Variants in ATRNL1 observed in about 807,000 individuals in gnomAD.
ATRNL1 encodes attractin like 1, also known as attractin-like protein 1.
In ATRNL1, 95 loss-of-function variants were observed where a neutral mutation model predicts 182.7. The observed-to-expected ratio is 0.52, with a 90% CI of 0.44 to 0.62. The LOEUF is 0.62. ATRNL1 is among the 20% of genes least tolerant of loss of function. The pLI is 0.00. For synonymous variants in ATRNL1, 576 were observed against 568.3 expected (o/e 1.01, Z -0.19); for missense variants, 1,471 against 1,679.5 (o/e 0.88, Z 2.17).
intron 27 of ATRNL1, among the ~76,000 whole-genome samples, chr10:115,812,792 A>G (rs1950077384): frequency 6.6e-6 from 1 of 151,936 alleles, no homozygotes; most frequent in Non-Finnish European, 1.5e-5. Context: ...CCTTTTTCTC[A>G]ACCACACTTA....
intron 9 of ATRNL1, among the ~76,000 whole-genome samples, chr10:115,228,129 A>G (rs1278618273): frequency 6.6e-6 from 1 of 152,170 alleles, no homozygotes; most frequent in African/African-American, 2.4e-5. Flanking sequence ...TGATAATTTG[A>G]CATACCAAAA....
intron 8 of ATRNL1, among the ~76,000 whole-genome samples, chr10:115,191,946 CT>C (rs1280262037): frequency 1.3e-5 from 2 of 151,954 alleles, no homozygotes; most frequent in East Asian, 3.9e-4. Context: ...AAAATAAGAT[CT>C]TTTTTTCCCT....
At chr10:115,901,743 G>GAAAAAAAAAA (rs562327427) in intron 28 of ATRNL1, among the ~76,000 whole-genome samples, 3 of 58,044 alleles carry the variant, frequency 5.2e-5, no homozygotes, top group Non-Finnish European at 9.5e-5. Context: ...GAACTGAGAA[G>GAAAAAAAAAA]AAAAAAAAAA....
intron 26 of ATRNL1, among the ~76,000 whole-genome samples, chr10:115,611,803 C>T (rs528151585): frequency 1.3e-3 from 200 of 152,038 alleles, no homozygotes; most frequent in African/African-American, 4.5e-3. Flanking sequence ...ATTTTATTGA[C>T]GGGATGTGTT....
At chr10:115,230,395 G>C (rs1196896205) in intron 9 of ATRNL1, among the ~76,000 whole-genome samples, 1 of 152,128 alleles carries the variant, frequency 6.6e-6, no homozygotes, top group Non-Finnish European at 1.5e-5. Context: ...AAATATCTGG[G>C]GGACAGGTGT....
rs71010046 is a variant in ATRNL1, at chr10:115,738,154, T to TTTTTTTTTTTTTTTTTGTTTTTTTTTTTC, written c.3903+10801_3903+10802insTTTTTTTTTTTTTTGTTTTTTTTTTTCTT. On this transcript the variant is annotated intron_variant, in intron 27 of 28. Coordinates refer to ENST00000355044, the MANE Select transcript of ATRNL1 (RefSeq NM_207303.4). ...TTTTTTTTTTTTTTTTTTTTTTTTT[T>TTTTTTTTTTTTTTTTTGTTTTTTTTTTTC]TTGAGATGGAGTCCTGCTCTGTCGC... is the stretch of plus-strand genomic sequence containing the variant. Among the ~76,000 whole-genome samples, 2 of 63,870 alleles carry TTTTTTTTTTTTTTTTTGTTTTTTTTTTTC rather than the reference T, an allele frequency of 3.1e-5. 1 individual carries two copies. Among genetic ancestry groups the TTTTTTTTTTTTTTTTTGTTTTTTTTTTTC allele is most frequent in the Non-Finnish European group, 6.5e-5 (2 of 30,636 alleles). The allele number at this position is 63,870 out of a possible 152,430, so 41.9% of individuals were successfully genotyped here. A position where few individuals can be genotyped will look rare whatever the true frequency, so the allele number is the denominator to read the frequency against.
At chr10:115,464,638 G>GT (rs1406775476) in intron 22 of ATRNL1, among the ~76,000 whole-genome samples, 5 of 151,844 alleles carry the variant, frequency 3.3e-5, no homozygotes, top group Non-Finnish European at 5.9e-5. Context: ...AGTTTTATAG[G>GT]TTTTTTAAAT....
At chr10:115,386,605 C>A (rs1160516278) in intron 19 of ATRNL1, among the ~76,000 whole-genome samples, 1 of 151,940 alleles carries the variant, frequency 6.6e-6, no homozygotes, top group East Asian at 1.9e-4. Flanking sequence ...GACTTCTCCT[C>A]CAGTAAAAAG....
chr10:115,825,816 G>A (rs1377709508), intron 27 of ATRNL1, among the ~76,000 whole-genome samples: 2 of 152,078 alleles, frequency 1.3e-5, no homozygotes, highest in African/African-American at 4.8e-5. Flanking sequence ...ACTTCATATA[G>A]TTATTCAAGC....
intron 8 of ATRNL1, among the ~76,000 whole-genome samples, chr10:115,201,562 A>C (rs1216366669): frequency 1.3e-5 from 2 of 152,036 alleles, no homozygotes; most frequent in Non-Finnish European, 2.9e-5. Flanking sequence ...GTTATTTCTG[A>C]GGGTTCTGTT....
chr10:115,831,132 C>T (rs1950550389), intron 27 of ATRNL1, among the ~76,000 whole-genome samples: 2 of 152,120 alleles, frequency 1.3e-5, no homozygotes, highest in Admixed American at 1.3e-4. Context: ...CTTCCAGAAA[C>T]ACGGATGGGC....
At chr10:115,368,344 C>T (rs931151453) in intron 19 of ATRNL1, among the ~76,000 whole-genome samples, 12 of 152,212 alleles carry the variant, frequency 7.9e-5, no homozygotes, top group Admixed American at 6.5e-4. Context: ...CTGACCCTTG[C>T]GCTTCCCAAG....
chr10:115,407,632 A>T (rs1253464032), intron 20 of ATRNL1, among the ~76,000 whole-genome samples: 6 of 152,086 alleles, frequency 3.9e-5, no homozygotes, highest in Non-Finnish European at 5.9e-5. Flanking sequence ...TCATCTATTG[A>T]TGTACACTTA....
chr10:115,597,568 CTTTTT>C (rs71010036), intron 26 of ATRNL1: 2,058 of 250,592 alleles, frequency 8.2e-3, no homozygotes, highest in East Asian at 0.01. Flanking sequence ...TTTATGGGAG[CTTTTT>C]TTTTTTTTTT....
chr10:115,215,009 T>C (rs1361486534), intron 8 of ATRNL1, among the ~76,000 whole-genome samples: 1 of 152,198 alleles, frequency 6.6e-6, no homozygotes, highest in African/African-American at 2.4e-5. Flanking sequence ...GTTTTGCTAC[T>C]GAGCAGGGAA....
intron 28 of ATRNL1, among the ~76,000 whole-genome samples, chr10:115,852,952 T>C (rs781930943): frequency 1.3e-5 from 2 of 152,218 alleles, no homozygotes; most frequent in Non-Finnish European, 2.9e-5. Context: ...GTCTGAGCTC[T>C]GGACTTGGAA....
chr10:115,552,074 A>G (rs1455635356), intron 26 of ATRNL1, among the ~76,000 whole-genome samples: 2 of 151,454 alleles, frequency 1.3e-5, no homozygotes, highest in Non-Finnish European at 3.0e-5. Flanking sequence ...TATAGGGCTT[A>G]GTAGTATCCA....
At chr10:115,729,569 T>C (rs563453123) in intron 27 of ATRNL1, among the ~76,000 whole-genome samples, 33 of 151,662 alleles carry the variant, frequency 2.2e-4, no homozygotes, top group Non-Finnish European at 3.7e-4. Flanking sequence ...TGTTTTTTTT[T>C]CCCAGCTTCT....
chr10:115,340,541 T>C (rs1399718348), intron 19 of ATRNL1, among the ~76,000 whole-genome samples: 1 of 149,478 alleles, frequency 6.7e-6, no homozygotes. Context: ...ATTGGCCTTG[T>C]AGAATGAGTT....
Sources: allele counts gnomAD v4.1 joint callset (sites outside exome capture counted in the v4.1 genomes callset), GRCh38; gene constraint gnomAD v4.1.1; transcripts MANE v1.5; gene names NCBI Gene and HGNC (gene_info 2026-07-23, HGNC 2026-07-21).